The following TAMM41 variants were observed in gnomAD, a reference collection of about 807,000 sequenced individuals.
TAMM41 encodes phosphatidate cytidylyltransferase, mitochondrial.
Under a neutral mutation model 44.1 loss-of-function variants are expected in TAMM41, and 36 were observed. The observed-to-expected ratio is 0.82, with a 90% CI of 0.63 to 1.08. The LOEUF (loss-of-function observed/expected upper bound fraction) is 1.08. Among genes scored for constraint, TAMM41 ranks in the 50% least tolerant of loss-of-function variants. TAMM41 has a pLI of 0.00. For missense variants in TAMM41, 417 were observed against 404.3 expected, an observed-to-expected ratio of 1.03 and a Z score of -0.27; for synonymous variants, 164 against 153.1, an observed-to-expected ratio of 1.07 and a Z score of -0.53.
chr3:11,778,587 C>T, the TAMM41 span, among the ~76,000 whole-genome samples: 1 of 152,198 alleles, frequency 6.6e-6, no homozygotes, highest in Non-Finnish European at 1.5e-5. Flanking sequence ...CTTCATGTCT[C>T]TGTAAAATAA....
the TAMM41 span, among the ~76,000 whole-genome samples, chr3:11,775,553 C>T: frequency 6.6e-6 from 1 of 152,212 alleles, no homozygotes; most frequent in African/African-American, 2.4e-5. Context: ...CGCCACTGCA[C>T]TGGTGGAAGT....
At chr3:11,800,275 T>C (rs2077715543) in intron 7 of TAMM41, among the ~76,000 whole-genome samples, 1 of 151,908 alleles carries the variant, frequency 6.6e-6, no homozygotes, top group South Asian at 2.1e-4. Flanking sequence ...TAAAATAACT[T>C]GAAAATAACC....
the TAMM41 span, among the ~76,000 whole-genome samples, chr3:11,732,065 C>A: frequency 1.3e-5 from 2 of 152,034 alleles, no homozygotes; most frequent in Non-Finnish European, 2.9e-5. Context: ...CGTGGTTTCG[C>A]CATGTTGCCC....
the TAMM41 span, among the ~76,000 whole-genome samples, chr3:11,772,813 A>G: frequency 6.6e-6 from 1 of 152,140 alleles, no homozygotes; most frequent in Admixed American, 6.6e-5. Context: ...CAGGGGCTCT[A>G]CATACATTGA....
the TAMM41 span, among the ~76,000 whole-genome samples, chr3:11,747,873 A>C: frequency 2.6e-5 from 1 of 38,104 alleles, no homozygotes; most frequent in Admixed American, 5.0e-4. Context: ...TTTACTATTT[A>C]TTTATTTATT....
chr3:11,781,993 A>G, the TAMM41 span, among the ~76,000 whole-genome samples: 6 of 152,160 alleles, frequency 3.9e-5, no homozygotes, highest in African/African-American at 1.4e-4. Flanking sequence ...GTCCCACTTC[A>G]TCTCAGAAGG....
chr3:11,765,078 T>G, the TAMM41 span, among the ~76,000 whole-genome samples: 1 of 152,222 alleles, frequency 6.6e-6, no homozygotes, highest in African/African-American at 2.4e-5. Context: ...AGCTTTCATT[T>G]AAAATAACAT....
chr3:11,813,828 ATG>A (rs143683206), intron 5 of TAMM41, among the ~76,000 whole-genome samples: 1,836 of 142,960 alleles, frequency 0.013, 31 homozygotes, highest in South Asian at 0.036. Context: ...GTACAAATAT[ATG>A]TGTGTGTGTG....
At chr3:11,767,626 A>ATTTTGTTTTTTTTTTTTTT in the TAMM41 span, among the ~76,000 whole-genome samples, 1 of 60,692 alleles carries the variant, frequency 1.6e-5, no homozygotes, top group African/African-American at 7.5e-5. Context: ...CACGTTGTGC[A>ATTTTGTTTTTTTTTTTTTT]TTTTTTTTTT....
chr3:11,771,806 C>A, the TAMM41 span, among the ~76,000 whole-genome samples: 1 of 152,068 alleles, frequency 6.6e-6, no homozygotes, highest in Non-Finnish European at 1.5e-5. Flanking sequence ...TGGTATCAAA[C>A]TCCTGACCTC....
the TAMM41 span, among the ~76,000 whole-genome samples, chr3:11,771,532 T>C: frequency 6.6e-6 from 1 of 152,206 alleles, no homozygotes; most frequent in Non-Finnish European, 1.5e-5. Flanking sequence ...TTTTGCTTTT[T>C]GTCGCCCAGG....
chr3:11,846,560 A>G lies in TAMM41; in HGVS notation c.77T>C (p.Leu26Pro). ...ILSHFPEELSLAFVYGSGVYR... is the reference protein window; with the variant it reads ...ILSHFPEELSPAFVYGSGVYR... The stretch of plus-strand genomic sequence containing the variant: ...CACCCCGGAGCCGTAGACGAAAGCC[A>G]GACTCAGCTCCTCGGGGAAGTGAGA... The change falls in exon 1 of 8, where the codon CTG (leucine) becomes CCG (proline). Residue 26 changes from leucine (L) to proline (P), a missense_variant. Physicochemically the swap from Leu to Pro is moderately conservative, Grantham distance 98. Transcript: ENST00000455809. 6.2e-7 allele frequency: 1 copy of G among 1,614,228 alleles called. No homozygotes were observed. Among genetic ancestry groups the G allele is most frequent in the Non-Finnish European group, 8.5e-7 (1 of 1,180,042 alleles).
chr3:11,837,091 T>C (rs561898699), intron 3 of TAMM41, among the ~76,000 whole-genome samples: 10 of 152,292 alleles, frequency 6.6e-5, no homozygotes, highest in Admixed American at 2.0e-4. Flanking sequence ...CACTATGAAA[T>C]TGTAAGCCCA....
rs1358441087 is a variant in TAMM41 at position 11,821,335 on chromosome 3, T to A, written c.563-3998A>T. Among the ~76,000 whole-genome samples, 2 of 152,206 alleles carry A rather than the reference T, an allele frequency of 1.3e-5. 1 individual carries two copies. The highest frequency in any genetic ancestry group is 3.8e-4 in the East Asian group (2 of 5,204). The stretch of plus-strand genomic sequence containing the variant: ...AGATTATTTTCCTGCAACTAGACAG[T>A]CCCTCTGGGGGTGATGGGAGACAGT... On this transcript the variant is annotated intron_variant, in intron 4 of 7. Coordinates refer to ENST00000455809, the MANE Select transcript of TAMM41 (RefSeq NM_001284401.2).
chr3:11,833,228 T>C lies in TAMM41; in HGVS notation c.412-3364A>G, dbSNP rs985029412. 8 of 1,135,914 alleles carry C rather than the reference T, an allele frequency of 7.0e-6. No individual in the cohort carries two copies. In the African/African-American group the frequency reaches 1.3e-4, roughly 19 times the overall value. The allele number at this position is 1,135,914 out of a possible 1,614,324, so 70.4% of individuals were successfully genotyped here. A position where few individuals can be genotyped will look rare whatever the true frequency, so the allele number is the denominator to read the frequency against. On this transcript the variant is annotated intron_variant, in intron 3 of 7. Transcript: ENST00000455809. Reference sequence around the variant, plus strand: ...TGGGAATGCCCCGACCTGAACTGCATAGATAACATTAGCACGACTGCCAGG... The same window carrying C: ...TGGGAATGCCCCGACCTGAACTGCACAGATAACATTAGCACGACTGCCAGG...
chr3:11,731,194 A>G, the TAMM41 span, among the ~76,000 whole-genome samples: 2 of 152,242 alleles, frequency 1.3e-5, no homozygotes, highest in African/African-American at 4.8e-5. Context: ...TTTTTGAAAT[A>G]ATTTGATATA....
downstream of TAMM41, among the ~76,000 whole-genome samples, chr3:11,788,141 T>C (rs1210044022): frequency 1.3e-5 from 2 of 152,162 alleles, no homozygotes; most frequent in East Asian, 1.9e-4. Context: ...CCTGATTCCA[T>C]AGCTGGAGAG....
chr3:11,845,914 C>T (rs1422867319), intron 1 of TAMM41, among the ~76,000 whole-genome samples: 2 of 152,240 alleles, frequency 1.3e-5, no homozygotes, highest in African/African-American at 2.4e-5. Flanking sequence ...ATACACTGGT[C>T]ACGCACTAAC....
chr3:11,781,779 A>AATAATAATAATC, the TAMM41 span, among the ~76,000 whole-genome samples: 27 of 40,522 alleles, frequency 6.7e-4, no homozygotes, highest in East Asian at 6.5e-3. Flanking sequence ...TAATAATAAT[A>AATAATAATAATC]ATCATACAAA....
Sources: gnomAD v4.1 joint callset for allele counts (sites outside exome capture counted in the v4.1 genomes callset) on GRCh38, gnomAD v4.1.1 for gene constraint, MANE v1.5 for transcripts, NCBI Gene and HGNC (gene_info 2026-07-23, HGNC 2026-07-21) for gene names.